NCF2: variants seen among roughly 807,000 people sequenced by gnomAD.
NCF2 encodes neutrophil cytosol factor 2.
A neutral mutation model predicts 70.9 loss-of-function variants in NCF2; 45 were observed. That is an observed-to-expected ratio of 0.63 (90% CI 0.50 to 0.81). The LOEUF (loss-of-function observed/expected upper bound fraction) is 0.81, where lower values mean the gene tolerates loss of function less well. Among genes scored for constraint, NCF2 ranks in the 40% least tolerant of loss-of-function variants. The probability of loss-of-function intolerance (pLI) is 0.00; values close to 1 mark genes in which losing one functional copy is unlikely to be tolerated. For synonymous variants in NCF2, 203 were observed against 233.6 expected, an observed-to-expected ratio of 0.87 and a Z score of 1.19; for missense variants, 522 against 631.6, an observed-to-expected ratio of 0.83 and a Z score of 1.86.
the NCF2 span, among the ~76,000 whole-genome samples, chr1:183,599,367 C>A: frequency 6.6e-6 from 1 of 152,086 alleles, no homozygotes; most frequent in African/African-American, 2.4e-5. Flanking sequence ...TAGACAGAGA[C>A]CTTGTCTCTA....
intron 2 of NCF2, among the ~76,000 whole-genome samples, chr1:183,583,475 TCTTGA>T (rs921635911): frequency 2.6e-4 from 39 of 152,328 alleles, no homozygotes; most frequent in African/African-American, 8.7e-4. Flanking sequence ...TTACTGGTGT[TCTTGA>T]CTTGTTTCCC....
intron 6 of NCF2, 106 bp downstream of exon 6, chr1:183,570,674 G>T: frequency 8.5e-7 from 1 of 1,179,330 alleles, no homozygotes; most frequent in Non-Finnish European, 1.3e-6. Context: ...GCCACTTGAA[G>T]GAGCCCTTAC....
At position 183,570,874 on chromosome 1, in the gene NCF2, C is replaced by T. The variant is rs201848208; in HGVS notation, c.610-35G>A. 3.1e-6 allele frequency: 5 copies of T among 1,607,344 alleles called. No homozygotes were observed. The African/African-American group carries it at 5.3e-5, about 17-fold the overall frequency. On this transcript the variant is annotated intron_variant, in intron 5 of 14. Coordinates refer to ENST00000367535, the MANE Select transcript of NCF2 (RefSeq NM_000433.4). ...AGGACAGGAGGGTGTGAGGCTCTGCCAGCACTGTTTCCATTCTTCTGGGTC... is the reference window on the plus strand; with the variant it reads ...AGGACAGGAGGGTGTGAGGCTCTGCTAGCACTGTTTCCATTCTTCTGGGTC...
intron 14 of NCF2, 36 bp from the exon 15 acceptor site, chr1:183,556,266 C>T (rs1434493049): frequency 6.4e-7 from 1 of 1,569,458 alleles, no homozygotes; most frequent in East Asian, 2.2e-5. Context: ...ATTTCTAAAA[C>T]CACTGTAGGA....
rs1285284165 is a variant in NCF2, at chr1:183,567,315, T to C, written c.744A>G (p.Leu248=). ...RALEGEAHRV[L]FGFVPETKEE... is the part of the protein sequence containing the mutation. ...CTTTTGTCTCAGGCACAAACCCAAA[T>C]AGCACACGGTGAGCCTCCCCTTCCA... Residue 248 remains leucine (L), a synonymous_variant, in exon 8 of 15, where the codon CTA becomes CTG. Coordinates refer to ENST00000367535, the MANE Select transcript of NCF2 (RefSeq NM_000433.4). The C allele has an allele frequency of 1.2e-6, 2 of 1,613,922 alleles. No individual in the cohort carries two copies. Among genetic ancestry groups the C allele is most frequent in the Non-Finnish European group, 1.7e-6 (2 of 1,180,028 alleles).
At chr1:183,574,437 A>T in intron 4 of NCF2, 50 bp downstream of exon 4, 2 of 1,613,442 alleles carry the variant, frequency 1.2e-6, no homozygotes, top group Non-Finnish European at 1.7e-6. Context: ...TCTGAGACAA[A>T]TGAGAATCCA....
At chr1:183,563,846 C>A in intron 11 of NCF2, 159 bp downstream of exon 11, 1 of 878,982 alleles carries the variant, frequency 1.1e-6, no homozygotes, top group East Asian at 2.4e-5. Flanking sequence ...GTGGAGGAGG[C>A]TATTAAGAAG....
upstream of NCF2, among the ~76,000 whole-genome samples, chr1:183,593,841 C>G (rs554026611): frequency 1.3e-5 from 2 of 152,296 alleles, no homozygotes; most frequent in African/African-American, 4.8e-5. Context: ...TCTGTTCAAG[C>G]CTCCAGTTTC....
intron 9 of NCF2, among the ~76,000 whole-genome samples, chr1:183,566,463 C>T (rs1308438617): frequency 2.0e-5 from 3 of 152,156 alleles, no homozygotes; most frequent in South Asian, 2.1e-4. Flanking sequence ...AGGCTGGTCT[C>T]GAACTCCTGA....
At position 183,556,184 on chromosome 1, in the gene NCF2, A is replaced by G. The variant is rs757201201; in HGVS notation, c.1515T>C (p.Ile505=). Residue 505 remains isoleucine (I), a synonymous_variant, in exon 15 of 15, where the codon ATT becomes ATC. Coordinates refer to ENST00000367535, the MANE Select transcript of NCF2 (RefSeq NM_000433.4). ...AGTCTTCAACAAAAACTTTGGGGAA[A>G]ATGCCCACCTTCCCTTTGCACTCCC... ...LEGECKGKVG[I]FPKVFVEDCA... 3.7e-6 allele frequency: 6 copies of G among 1,614,052 alleles called. No individual in the cohort carries two copies. The African/African-American group carries it at 5.3e-5, about 14-fold the overall frequency.
chr1:183,558,537 G>C (rs1465607906), intron 14 of NCF2, among the ~76,000 whole-genome samples: 1 of 150,470 alleles, frequency 6.6e-6, no homozygotes, highest in African/African-American at 2.5e-5. Context: ...CAAGGTGCTG[G>C]GATTACAGGC....
At chr1:183,600,888 A>C in the NCF2 span, among the ~76,000 whole-genome samples, 1 of 152,192 alleles carries the variant, frequency 6.6e-6, no homozygotes, top group Admixed American at 6.5e-5. Context: ...CCATCATCCC[A>C]CTGACCGCAT....
At chr1:183,581,759 C>T (rs981276800) in intron 2 of NCF2, among the ~76,000 whole-genome samples, 6 of 151,968 alleles carry the variant, frequency 3.9e-5, no homozygotes, top group Admixed American at 2.0e-4. Flanking sequence ...AGCTCCGCCT[C>T]CCGGTTCACG....
At chr1:183,598,581 A>AT in the NCF2 span, among the ~76,000 whole-genome samples, 3 of 151,724 alleles carry the variant, frequency 2.0e-5, no homozygotes, top group East Asian at 5.8e-4. Context: ...CTGAGGCTGC[A>AT]TAAAAAAAAA....
chr1:183,564,191 T>C, intron 10 of NCF2, 161 bp from the exon 11 acceptor site: 2 of 761,922 alleles, frequency 2.6e-6, no homozygotes, highest in South Asian at 1.5e-5. Flanking sequence ...GTGGGGAAAA[T>C]CTCGCCCTGG....
the NCF2 span, among the ~76,000 whole-genome samples, chr1:183,600,811 C>T: frequency 6.6e-6 from 1 of 152,118 alleles, no homozygotes; most frequent in African/African-American, 2.4e-5. Context: ...TCCTTCTCAG[C>T]ACTAGGGTTG....
chr1:183,563,839 G>A, intron 11 of NCF2, 166 bp downstream of exon 11: 1 of 855,848 alleles, frequency 1.2e-6, no homozygotes. Flanking sequence ...CATGATAGTG[G>A]AGGAGGCTAT....
intron 7 of NCF2, among the ~76,000 whole-genome samples, chr1:183,568,528 A>G (rs528463024): frequency 1.8e-4 from 28 of 151,964 alleles, no homozygotes; most frequent in Admixed American, 1.6e-3. Flanking sequence ...ACTTTGAGAG[A>G]ATTCTTAAGA....
At position 183,556,338 on chromosome 1, in the gene NCF2, A is replaced by G. The variant is rs1671780356; in HGVS notation, c.1469-108T>C. 3 of 928,900 alleles carry G rather than the reference A, an allele frequency of 3.2e-6. No homozygotes were observed. The South Asian group carries it at 4.0e-5, about 13-fold the overall frequency. The allele number at this position is 928,900 out of a possible 1,614,324, so 57.5% of individuals were successfully genotyped here. A position where few individuals can be genotyped will look rare whatever the true frequency, so the allele number is the denominator to read the frequency against. On this transcript the variant is annotated intron_variant, in intron 14 of 14. Transcript: ENST00000367535. ...TATCTGTCACCCTTCCCCACCCCTA[A>G]TTGTGATCAACAGGGAAAAGACAGT...
Sources: allele counts gnomAD v4.1 joint callset (sites outside exome capture counted in the v4.1 genomes callset), GRCh38; gene constraint gnomAD v4.1.1; transcripts MANE v1.5; gene names NCBI Gene and HGNC (gene_info 2026-07-23, HGNC 2026-07-21).